Variants in PXK observed in about 807,000 individuals in gnomAD.
The protein encoded by PXK is PX domain containing serine/threonine kinase like, also known as PX domain-containing protein kinase-like protein.
Under a neutral mutation model 84.7 loss-of-function variants are expected in PXK, and 35 were observed. The observed-to-expected ratio is 0.41, with a 90% CI of 0.32 to 0.55. The LOEUF (loss-of-function observed/expected upper bound fraction) is 0.55. PXK is among the 20% of genes least tolerant of loss of function. PXK has a pLI of 0.21. For synonymous variants in PXK, 253 were observed against 260.8 expected (o/e 0.97, Z 0.29); for missense variants, 634 against 699.7 (o/e 0.91, Z 1.06).
rs1012980710 is a variant in PXK, at chr3:58,390,127, A to G, written c.389-455A>G. 5.9e-5 allele frequency among the ~76,000 whole-genome samples: 9 copies of G among 151,884 alleles called. No individual in the cohort carries two copies. The highest frequency in any genetic ancestry group is 2.0e-4 in the Admixed American group (3 of 15,226). On this transcript the variant is annotated intron_variant, in intron 4 of 17. Coordinates refer to ENST00000356151, the MANE Select transcript of PXK (RefSeq NM_017771.5). The surrounding 1 kb of genome is among the most constrained non-coding windows in gnomAD (Gnocchi z 4.2). The stretch of plus-strand genomic sequence containing the variant: ...CAGGAGGTTGAGTTTGCAGTGAGCC[A>G]TGATTGTGCCACTGAGTTCCAGCCT...
intron 3 of PXK, among the ~76,000 whole-genome samples, chr3:58,369,824 C>CAAA (rs751574356): frequency 9.3e-5 from 6 of 64,724 alleles, no homozygotes; most frequent in East Asian, 1.0e-3. Context: ...AACTCTGTCT[C>CAAA]AAAAAAAAAA....
chr3:58,421,200 T>C lies in PXK; in HGVS notation c.1529-3552T>C. 2.0e-6 allele frequency: 2 copies of C among 985,374 alleles called. No individual in the cohort carries two copies. Among genetic ancestry groups the C allele is most frequent in the Non-Finnish European group, 2.4e-6 (2 of 829,920 alleles). 61.0% of individuals were successfully genotyped at this position (985,374 alleles called of 1,614,324 possible). A position where few individuals can be genotyped will look rare whatever the true frequency, so the allele number is the denominator to read the frequency against. On this transcript the variant is annotated intron_variant, in intron 17 of 17. Transcript: ENST00000356151. This position sits in a 1 kb window ranked among gnomAD's most constrained non-coding sequence, Gnocchi z 5.5. The stretch of plus-strand genomic sequence containing the variant: ...AGTGTGGTCTCATGGCCACTTGGCC[T>C]CCCTTCCTGTATGTGACCACAAAGG...
At chr3:58,356,032 G>A (rs887840266) in intron 1 of PXK, among the ~76,000 whole-genome samples, 1 of 152,214 alleles carries the variant, frequency 6.6e-6, no homozygotes, top group Non-Finnish European at 1.5e-5. Flanking sequence ...TGGGTTAGGG[G>A]CTTAGCAAAA....
chr3:58,382,361 A>T (rs1227106024), intron 3 of PXK, among the ~76,000 whole-genome samples, 153 bp from the exon 4 acceptor site: 2 of 152,176 alleles, frequency 1.3e-5, no homozygotes, highest in Non-Finnish European at 2.9e-5. Context: ...TCAATTCTAA[A>T]TGCAGTTTTT....
rs544388880 is a variant in PXK at position 58,423,171 on chromosome 3, C to T, written c.1529-1581C>T. The T allele has an allele frequency of 2.6e-5, 26 of 984,938 alleles. No individual in the cohort carries two copies. In the African/African-American group the frequency reaches 4.4e-4, roughly 17 times the overall value. The allele number at this position is 984,938 out of a possible 1,614,324, so 61.0% of individuals were successfully genotyped here. A position where few individuals can be genotyped will look rare whatever the true frequency, so the allele number is the denominator to read the frequency against. ...CTGGTTGCTCTCCAGAAGTCCTCTT[C>T]AGAGGAATGCTCATCACACATGCTT... is the stretch of plus-strand genomic sequence containing the variant. On this transcript the variant is annotated intron_variant, in intron 17 of 17. Transcript: ENST00000356151.
At chr3:58,389,940 G>A (rs1340059508) in intron 4 of PXK, among the ~76,000 whole-genome samples, 12 of 149,046 alleles carry the variant, frequency 8.1e-5, no homozygotes, top group African/African-American at 2.0e-4. Flanking sequence ...TGGAGGTTGC[G>A]GTGAGCCGAG....
Position 58,409,070 on chromosome 3 carries a change from G to T in PXK, c.1308+69G>T. ...CTCTGCCGTGGTTTTTATAGTGATTGACCTTTGACTGTTCCCTCTGCAAAT... is the reference window on the plus strand; with the variant it reads ...CTCTGCCGTGGTTTTTATAGTGATTTACCTTTGACTGTTCCCTCTGCAAAT... On this transcript the variant is annotated intron_variant, in intron 14 of 17. Transcript: ENST00000356151. This position sits in a 1 kb window ranked among gnomAD's most constrained non-coding sequence, Gnocchi z 4.2. 1 of 1,156,486 alleles carries T rather than the reference G, an allele frequency of 8.6e-7. No individual in the cohort carries two copies. The highest frequency in any genetic ancestry group is 1.3e-5 in the South Asian group (1 of 76,532). 71.6% of individuals were successfully genotyped at this position (1,156,486 alleles called of 1,614,324 possible).
At chr3:58,366,302 A>G (rs558691392) in intron 2 of PXK, among the ~76,000 whole-genome samples, 6 of 152,266 alleles carry the variant, frequency 3.9e-5, no homozygotes, top group East Asian at 3.9e-4. Context: ...GTTATTGTAC[A>G]GTTTGGGCCA....
chr3:58,413,399 GAA>G (rs2060498988), intron 17 of PXK: 1 of 168,480 alleles, frequency 5.9e-6, no homozygotes, highest in Admixed American at 6.0e-5. Flanking sequence ...GTGGAGGAGT[GAA>G]AGAGTCACTG....
chr3:58,420,507 C>G (rs1425046068), intron 17 of PXK: 6 of 1,535,540 alleles, frequency 3.9e-6, no homozygotes, highest in Admixed American at 2.0e-5. Flanking sequence ...TGTGTCCCCC[C>G]TTTCTCTCTC....
At chr3:58,351,174 A>G (rs1316953126) in intron 1 of PXK, among the ~76,000 whole-genome samples, 2 of 152,068 alleles carry the variant, frequency 1.3e-5, no homozygotes, top group African/African-American at 4.8e-5. Context: ...AGCTCAGATG[A>G]TCTCAATCTT....
At chr3:58,336,069 A>ATT (rs1382137800) in intron 1 of PXK, among the ~76,000 whole-genome samples, 15 of 56,604 alleles carry the variant, frequency 2.6e-4, no homozygotes, top group Non-Finnish European at 4.3e-4. Flanking sequence ...ATATATATAT[A>ATT]TATTTTTTTT....
chr3:58,418,474 G>A (rs1037044339), intron 17 of PXK, among the ~76,000 whole-genome samples: 4 of 152,134 alleles, frequency 2.6e-5, no homozygotes, highest in African/African-American at 7.2e-5. Context: ...TTCAGGGTGC[G>A]CTGCAGGGCC....
At chr3:58,340,315 G>A (rs1009762928) in intron 1 of PXK, among the ~76,000 whole-genome samples, 1 of 150,140 alleles carries the variant, frequency 6.7e-6, no homozygotes, top group African/African-American at 2.4e-5. Context: ...TCGAGACAGG[G>A]CCTCCCCATG....
Position 58,424,995 on chromosome 3 carries a change from T to C in PXK, c.*35T>C. Reference sequence around the variant, plus strand: ...TTTACACTTGGAGGGAAAAGTTCTTTTTTATTCCTACTCACCCCTACCCCC... The same window carrying C: ...TTTACACTTGGAGGGAAAAGTTCTTCTTTATTCCTACTCACCCCTACCCCC... On this transcript the variant is annotated 3_prime_UTR_variant, in exon 18 of 18. Coordinates refer to ENST00000356151, the MANE Select transcript of PXK (RefSeq NM_017771.5). The C allele has an allele frequency of 6.2e-7, 1 of 1,610,874 alleles. No homozygotes were observed. Among genetic ancestry groups the C allele is most frequent in the Non-Finnish European group, 8.5e-7 (1 of 1,178,466 alleles).
In PXK at chr3:58,397,143, C is replaced by T. The variant is rs1186768777; in HGVS notation, c.927C>T (p.Ser309=). The T allele has an allele frequency of 2.5e-6, 4 of 1,614,132 alleles. No individual in the cohort carries two copies. The highest frequency in any genetic ancestry group is 1.7e-5 in the Admixed American group (1 of 60,022). The part of the protein sequence containing the change: ...DTCRLLDLEN[S]LLGLPSFYRS... ...GCCGGCTGCTGGACCTTGAGAATTC[C>T]TTATTGGGCCTGCCTTCCTTCTACC... Residue 309 remains serine (S), a synonymous_variant, in exon 10 of 18, where the codon TCC becomes TCT. Coordinates refer to ENST00000356151, the MANE Select transcript of PXK (RefSeq NM_017771.5). This position sits in a 1 kb window ranked among gnomAD's most constrained non-coding sequence, Gnocchi z 4.7.
intron 17 of PXK, among the ~76,000 whole-genome samples, chr3:58,418,911 GAATAAGAGAAAAGGCATACAAGTTTATTT>G (rs1187373491): frequency 7.2e-5 from 11 of 152,256 alleles, no homozygotes; most frequent in South Asian, 6.2e-4. Context: ...CAAAACAGAT[GAATAAGAGAAAAGGCATACAAGTTTATTT>G]AATAAGAGAA....
At position 58,333,613 on chromosome 3, in the gene PXK, C is replaced by T. The variant is rs1286464598; in HGVS notation, c.102+523C>T. 1 of 456,636 alleles carries T rather than the reference C, an allele frequency of 2.2e-6. No homozygotes were observed. 28.3% of individuals were successfully genotyped at this position (456,636 alleles called of 1,614,324 possible). On this transcript the variant is annotated intron_variant, in intron 1 of 17. Transcript: ENST00000356151. This position sits in a 1 kb window ranked among gnomAD's most constrained non-coding sequence, Gnocchi z 5.4. The stretch of plus-strand genomic sequence containing the variant: ...GAGTGTAAGTGGCTGGGGTCTGCAG[C>T]CCCGTTTCCAGGTCAGCCGCTTGGC...
intron 12 of PXK, among the ~76,000 whole-genome samples, chr3:58,402,402 C>G (rs1025519285): frequency 7.9e-5 from 12 of 151,306 alleles, no homozygotes; most frequent in Non-Finnish European, 1.3e-4. Flanking sequence ...CCCAGGTCAC[C>G]CAGTTCATGC....
Sources: gnomAD v4.1 joint callset for allele counts (sites outside exome capture counted in the v4.1 genomes callset) on GRCh38, gnomAD v4.1.1 for gene constraint, Gnocchi (gnomAD v3.1) non-coding constraint, MANE v1.5 for transcripts, NCBI Gene and HGNC (gene_info 2026-07-23, HGNC 2026-07-21) for gene names.